SPDYE3: variants seen among roughly 807,000 people sequenced by gnomAD.
SPDYE3 encodes the protein speedy protein E3.
SPDYE3 carries 15 observed loss-of-function variants against 55.0 expected under a neutral mutation model. The ratio of observed to expected loss-of-function variants is 0.27; its 90% CI spans 0.18 to 0.42. SPDYE3 has a LOEUF of 0.42. Among genes scored for constraint, SPDYE3 ranks in the 10% least tolerant of loss-of-function variants. The pLI is 1.00. For missense variants in SPDYE3, 236 were observed against 576.7 expected (o/e 0.41, Z 6.05); for synonymous variants, 89 against 229.9 (o/e 0.39, Z 5.55).
chr7:100,307,934 A>G lies in SPDYE3; in HGVS notation c.49A>G (p.Ser17Gly). 1.3e-6 allele frequency: 2 copies of G among 1,583,300 alleles called. No individual in the cohort carries two copies. Among genetic ancestry groups the G allele is most frequent in the Non-Finnish European group, 1.7e-6 (2 of 1,173,066 alleles). ...CCAGGAAGAGCAGAGCCCCCAGCGG[A>G]GCACCTCAGGGTACCCCCTCCAGGA... ...QPQEEQSPQR[S>G]TSGYPLQEVV... The change falls in exon 1 of 11, where the codon AGC becomes GGC. Residue 17 changes from serine (S) to glycine (G), a missense_variant. Ser to Gly is a moderately conservative substitution (Grantham distance 56). Transcript: ENST00000332397.
In SPDYE3 at chr7:100,307,893, G is replaced by A; in HGVS notation, c.8G>A (p.Ser3Asn). The A allele has an allele frequency of 6.3e-7, 1 of 1,583,990 alleles. No homozygotes were observed. Among genetic ancestry groups the A allele is most frequent in the Non-Finnish European group, 8.5e-7 (1 of 1,173,400 alleles). The change falls in exon 1 of 11, where the codon AGC becomes AAC. Residue 3 changes from serine (S) to asparagine (N), a missense_variant. By Grantham distance (46) the Ser-to-Asn change is conservative. Coordinates refer to ENST00000332397, the MANE Select transcript of SPDYE3 (RefSeq NM_001004351.5). ...CAGATTTTGGGAAAGATCATGACGA[G>A]CCATCAACCGCAGCCCCAGGAAGAG... MT[S>N]HQPQPQEEQS...
chr7:100,319,849 C>A, intron 9 of SPDYE3, 41 bp downstream of exon 9: 4 of 1,612,552 alleles, frequency 2.5e-6, no homozygotes, highest in Non-Finnish European at 3.4e-6. Flanking sequence ...GGGGAGGAAT[C>A]GGGTGGGCTG....
At chr7:100,312,514 AAG>A (rs1339557549) in intron 4 of SPDYE3, among the ~76,000 whole-genome samples, 1 of 135,924 alleles carries the variant, frequency 7.4e-6, no homozygotes, top group African/African-American at 2.7e-5. Flanking sequence ...AAAAAAAAAA[AAG>A]AAGAAGAGAA....
chr7:100,315,773 C>T lies in SPDYE3; in HGVS notation c.1202-12C>T, dbSNP rs1806089425. 2.5e-6 allele frequency: 4 copies of T among 1,598,416 alleles called. No homozygotes were observed. The highest frequency in any genetic ancestry group is 2.5e-6 in the Non-Finnish European group (3 of 1,179,740). On this transcript the variant is annotated splice_polypyrimidine_tract_variant and intron_variant, in intron 6 of 10. Transcript: ENST00000332397. ...CCTGCTTCTCACGCTGACATCTGCT[C>T]TCTAATCACAGAGGATCCTGTCATT...
Position 100,321,013 on chromosome 7 carries a change from T to G in SPDYE3, c.*168T>G. On this transcript the variant is annotated 3_prime_UTR_variant, in exon 11 of 11. Transcript: ENST00000332397. Reference sequence around the variant, plus strand: ...TCATCTAGAAGAACCTGGACCATTCTTGACAGAGCTGAATACAGTGATCAC... The same window carrying G: ...TCATCTAGAAGAACCTGGACCATTCGTGACAGAGCTGAATACAGTGATCAC... 3 of 1,183,504 alleles carry G rather than the reference T, an allele frequency of 2.5e-6. No individual in the cohort carries two copies. The highest frequency in any genetic ancestry group is 3.5e-6 in the Non-Finnish European group (3 of 869,152). 73.3% of individuals were successfully genotyped at this position (1,183,504 alleles called of 1,614,324 possible).
At position 100,321,036 on chromosome 7, in the gene SPDYE3, C is replaced by CACGT. The variant is rs1789569470; in HGVS notation, c.*192_*195dup. 1 of 1,144,146 alleles carries CACGT rather than the reference C, an allele frequency of 8.7e-7. No individual in the cohort carries two copies. Among genetic ancestry groups the CACGT allele is most frequent in the Middle Eastern group, 3.6e-4 (1 of 2,756 alleles). The allele number at this position is 1,144,146 out of a possible 1,614,324, so 70.9% of individuals were successfully genotyped here. On this transcript the variant is annotated 3_prime_UTR_variant, in exon 11 of 11. Transcript: ENST00000332397. ...TCTTGACAGAGCTGAATACAGTGAT[C>CACGT]ACGTTGTCCTCCAAGGAGCAGGGGT...
chr7:100,320,989 C>T lies in SPDYE3; in HGVS notation c.*144C>T. The T allele has an allele frequency of 2.5e-6, 3 of 1,202,126 alleles. No homozygotes were observed. Among genetic ancestry groups the T allele is most frequent in the Non-Finnish European group, 3.4e-6 (3 of 886,128 alleles). 74.5% of individuals were successfully genotyped at this position (1,202,126 alleles called of 1,614,324 possible). ...GAGGAGAGGAGCCATTTGTGCAGAT[C>T]ATCTAGAAGAACCTGGACCATTCTT... is the stretch of plus-strand genomic sequence containing the variant. On this transcript the variant is annotated 3_prime_UTR_variant, in exon 11 of 11. Transcript: ENST00000332397.
intron 3 of SPDYE3, among the ~76,000 whole-genome samples, chr7:100,311,210 T>C (rs1208526903): frequency 3.1e-5 from 2 of 65,418 alleles, no homozygotes; most frequent in Non-Finnish European, 5.8e-5. Context: ...TCAGGCTGGG[T>C]GCAGTGGCTC....
At chr7:100,319,837 G>A (rs1789533493) in intron 9 of SPDYE3, 29 bp downstream of exon 9, 1 of 1,614,084 alleles carries the variant, frequency 6.2e-7, no homozygotes, top group Non-Finnish European at 8.5e-7. Context: ...GGTGGAGGAT[G>A]TGGGGAGGAA....
chr7:100,309,736 A>AAAG (rs1805916402), intron 2 of SPDYE3, among the ~76,000 whole-genome samples: 1 of 141,790 alleles, frequency 7.1e-6, no homozygotes, highest in Non-Finnish European at 1.6e-5. Context: ...AAAAAAAAAA[A>AAAG]AAGAAGAAAA....
chr7:100,308,022 T>A, intron 1 of SPDYE3, 31 bp downstream of exon 1: 1 of 1,527,798 alleles, frequency 6.5e-7, no homozygotes, highest in Non-Finnish European at 8.8e-7. Flanking sequence ...AGAGGTGGCA[T>A]AGGATTGACT....
At position 100,310,378 on chromosome 7, in the gene SPDYE3, G is replaced by GC; in HGVS notation, c.350dup (p.Arg118ThrfsTer2). ...TACTCAGCCCCTGGGGTAGATCCCA[G>GC]CCCCCCACGTAGGTCCCTTGGCTGC... On this transcript the variant is annotated frameshift_variant, in exon 3 of 11. Coordinates refer to ENST00000332397, the MANE Select transcript of SPDYE3 (RefSeq NM_001004351.5). LOFTEE classifies it high-confidence loss of function. 1.1e-6 allele frequency: 1 copy of GC among 878,122 alleles called. No homozygotes were observed. Among genetic ancestry groups the GC allele is most frequent in the Non-Finnish European group, 1.7e-6 (1 of 601,024 alleles). The allele number at this position is 878,122 out of a possible 1,614,324, so 54.4% of individuals were successfully genotyped here. A position where few individuals can be genotyped will look rare whatever the true frequency, so the allele number is the denominator to read the frequency against.
intron 10 of SPDYE3, 63 bp from the exon 11 acceptor site, chr7:100,320,828 G>A: frequency 8.8e-7 from 1 of 1,132,396 alleles, no homozygotes; most frequent in Non-Finnish European, 1.2e-6. Context: ...CATGGGACGT[G>A]AATAACCTTC....
Position 100,315,965 on chromosome 7 carries a change from T to C in SPDYE3, c.1260+122T>C. 4 of 1,472,202 alleles carry C rather than the reference T, an allele frequency of 2.7e-6. No homozygotes were observed. The South Asian group carries it at 4.7e-5, about 17-fold the overall frequency. The allele number at this position is 1,472,202 out of a possible 1,614,324, so 91.2% of individuals were successfully genotyped here. ...CACCAGATGCTCCTACAGTTTTTTTTGTTTTTGTTTTTGTTTTTTTTTGTG... is the reference window on the plus strand; with the variant it reads ...CACCAGATGCTCCTACAGTTTTTTTCGTTTTTGTTTTTGTTTTTTTTTGTG... On this transcript the variant is annotated intron_variant, in intron 7 of 10. Transcript: ENST00000332397.
Position 100,320,414 on chromosome 7 carries a change from C to T in SPDYE3, c.*45+379C>T. 3 of 1,067,422 alleles carry T rather than the reference C, an allele frequency of 2.8e-6. No homozygotes were observed. In the South Asian group the frequency reaches 5.4e-5, roughly 19 times the overall value. The allele number at this position is 1,067,422 out of a possible 1,614,324, so 66.1% of individuals were successfully genotyped here. On this transcript the variant is annotated intron_variant, in intron 10 of 10. Coordinates refer to ENST00000332397, the MANE Select transcript of SPDYE3 (RefSeq NM_001004351.5). ...GAGGGTTCAGTGAAGCTTTGGTTTACATCTTGTGCAGCTAACCATGTTGAG... is the reference window on the plus strand; with the variant it reads ...GAGGGTTCAGTGAAGCTTTGGTTTATATCTTGTGCAGCTAACCATGTTGAG...
Position 100,319,605 on chromosome 7 carries a change from A to C in SPDYE3, c.1387A>C (p.Lys463Gln), listed in dbSNP as rs1789524483. The change falls in exon 9 of 11, where the codon AAA (lysine) becomes CAA (glutamine). Residue 463 changes from lysine to glutamine, a missense_variant. Coordinates refer to ENST00000332397, the MANE Select transcript of SPDYE3 (RefSeq NM_001004351.5). The stretch of plus-strand genomic sequence containing the variant: ...CATGGAGGAGGACGACGAGGCCCCC[A>C]AACAAAAGATCTTCTACTTCCTGTA... ...NDMEEDDEAP[K>Q]QKIFYFLYGK... 1 of 1,614,076 alleles carries C rather than the reference A, an allele frequency of 6.2e-7. No individual in the cohort carries two copies. Among genetic ancestry groups the C allele is most frequent in the African/African-American group, 1.3e-5 (1 of 74,922 alleles).
Position 100,320,930 on chromosome 7 carries a change from C to A in SPDYE3, c.*85C>A, listed in dbSNP as rs1789567666. On this transcript the variant is annotated 3_prime_UTR_variant, in exon 11 of 11. Coordinates refer to ENST00000332397, the MANE Select transcript of SPDYE3 (RefSeq NM_001004351.5). Reference sequence around the variant, plus strand: ...GGGAGATGTGGATTTTCAGCAGGAACTTTATTCCAGTGCTAATGGCAGACA... The same window carrying A: ...GGGAGATGTGGATTTTCAGCAGGAAATTTATTCCAGTGCTAATGGCAGACA... 1.6e-6 allele frequency: 2 copies of A among 1,233,394 alleles called. No individual in the cohort carries two copies. The highest frequency in any genetic ancestry group is 2.2e-6 in the Non-Finnish European group (2 of 914,592). The allele number at this position is 1,233,394 out of a possible 1,614,324, so 76.4% of individuals were successfully genotyped here.
intron 1 of SPDYE3, among the ~76,000 whole-genome samples, chr7:100,308,640 T>C (rs1805885085): frequency 6.7e-6 from 1 of 149,740 alleles, no homozygotes; most frequent in South Asian, 2.1e-4. Flanking sequence ...ATCCGGGAGA[T>C]GGATGTTGCA....
At position 100,315,707 on chromosome 7, in the gene SPDYE3, C is replaced by T. The variant is rs555499954; in HGVS notation, c.1202-78C>T. 172 of 1,594,320 alleles carry T rather than the reference C, an allele frequency of 1.1e-4. 1 individual carries two copies. Among genetic ancestry groups the T allele is most frequent in the Non-Finnish European group, 1.1e-4 (128 of 1,176,790 alleles). On this transcript the variant is annotated intron_variant, in intron 6 of 10. Transcript: ENST00000332397. ...TCCTGAGACTTTCCCCCGGGAGGCA[C>T]ACTTCTCCTCACTGCCCTGCTGCTC...
Sources: allele counts gnomAD v4.1 joint callset (sites outside exome capture counted in the v4.1 genomes callset), GRCh38; gene constraint gnomAD v4.1.1; transcripts MANE v1.5; gene names NCBI Gene and HGNC (gene_info 2026-07-23, HGNC 2026-07-21).